Variants in PITX1 observed in about 807,000 individuals in gnomAD.
The protein encoded by PITX1 is paired like homeodomain 1.
Under a neutral mutation model 24.1 loss-of-function variants are expected in PITX1, and 5 were observed. The observed-to-expected ratio is 0.21, with a 90% CI of 0.11 to 0.44. The LOEUF (loss-of-function observed/expected upper bound fraction) is 0.44, where lower values mean the gene tolerates loss of function less well. Ranked by LOEUF, PITX1 falls within the 20% of genes least tolerant of loss-of-function variation. The pLI, the probability that PITX1 is intolerant of heterozygous loss-of-function variation, is 0.99. For missense variants in PITX1, 401 were observed against 455.4 expected, an observed-to-expected ratio of 0.88 and a Z score of 1.09; for synonymous variants, 213 against 208.9, an observed-to-expected ratio of 1.02 and a Z score of -0.17.
Position 135,033,512 on chromosome 5 carries a change from G to A in PITX1, c.169+201C>T. The A allele has an allele frequency of 1.7e-6, 1 of 600,336 alleles. No individual in the cohort carries two copies. The highest frequency in any genetic ancestry group is 2.9e-6 in the Non-Finnish European group (1 of 343,036). 37.2% of individuals were successfully genotyped at this position (600,336 alleles called of 1,614,324 possible). On this transcript the variant is annotated intron_variant, in intron 1 of 2. Transcript: ENST00000265340. This position sits in a 1 kb window ranked among gnomAD's most constrained non-coding sequence, Gnocchi z 5.9. ...CATCTGCCAGTCTCTTGGCGCGTGG[G>A]GACCGCGTGGAAGTGCCTTCGCGTG...
In PITX1 at chr5:135,033,552, C is replaced by T; in HGVS notation, c.169+161G>A. 1.3e-6 allele frequency: 1 copy of T among 740,918 alleles called. No homozygotes were observed. The highest frequency in any genetic ancestry group is 2.7e-5 in the Admixed American group (1 of 37,260). 45.9% of individuals were successfully genotyped at this position (740,918 alleles called of 1,614,324 possible). The stretch of plus-strand genomic sequence containing the variant: ...GCCTTCGCGTGTGCGTAAGTTTCCG[C>T]GTTCACCGTCAGGTCGAGAACGGGA... On this transcript the variant is annotated intron_variant, in intron 1 of 2. Transcript: ENST00000265340. This position sits in a 1 kb window ranked among gnomAD's most constrained non-coding sequence, Gnocchi z 5.9.
At position 135,028,380 on chromosome 5, in the gene PITX1, G is replaced by C. The variant is rs968678623; in HGVS notation, c.*399C>G. 6.5e-6 allele frequency: 1 copy of C among 154,320 alleles called. No individual in the cohort carries two copies. The highest frequency in any genetic ancestry group is 1.4e-5 in the Non-Finnish European group (1 of 69,552). The allele number at this position is 154,320 out of a possible 1,614,324, so 9.6% of individuals were successfully genotyped here. On this transcript the variant is annotated 3_prime_UTR_variant, in exon 3 of 3. Coordinates refer to ENST00000265340, the MANE Select transcript of PITX1 (RefSeq NM_002653.5). Reference sequence around the variant, plus strand: ...CCAGCGCGGCGGGGACGCGGGATACGAGGTCGTCCTCCCCCGGCCGCTGGG... The same window carrying C: ...CCAGCGCGGCGGGGACGCGGGATACCAGGTCGTCCTCCCCCGGCCGCTGGG...
chr5:135,033,613 G>C lies in PITX1; in HGVS notation c.169+100C>G. The C allele has an allele frequency of 8.3e-7, 1 of 1,206,074 alleles. No individual in the cohort carries two copies. Among genetic ancestry groups the C allele is most frequent in the Non-Finnish European group, 1.2e-6 (1 of 844,132 alleles). The allele number at this position is 1,206,074 out of a possible 1,614,324, so 74.7% of individuals were successfully genotyped here. ...TCCTGACGCTTCTGGGGCGGAGAGG[G>C]AGCTTGGTTGCGCGGCGCGGGCGTC... is the stretch of plus-strand genomic sequence containing the variant. On this transcript the variant is annotated intron_variant, in intron 1 of 2. Coordinates refer to ENST00000265340, the MANE Select transcript of PITX1 (RefSeq NM_002653.5). The surrounding 1 kb of genome is among the most constrained non-coding windows in gnomAD (Gnocchi z 5.9).
In PITX1 at chr5:135,028,712, G is replaced by A. The variant is rs1339496717; in HGVS notation, c.*67C>T. On this transcript the variant is annotated 3_prime_UTR_variant, in exon 3 of 3. Transcript: ENST00000265340. ...GCTTGCGAGCCGGGGCCCCGCGTGC[G>A]TCCTCCGCGCCCGCGCCCGCGCCCT... 2.1e-5 allele frequency: 25 copies of A among 1,165,152 alleles called. No individual in the cohort carries two copies. Among genetic ancestry groups the A allele is most frequent in the Admixed American group, 9.8e-5 (2 of 20,512 alleles). 72.2% of individuals were successfully genotyped at this position (1,165,152 alleles called of 1,614,324 possible). A position where few individuals can be genotyped will look rare whatever the true frequency, so the allele number is the denominator to read the frequency against.
Position 135,028,673 on chromosome 5 carries a change from C to T in PITX1, c.*106G>A, listed in dbSNP as rs1026232001. On this transcript the variant is annotated 3_prime_UTR_variant, in exon 3 of 3. Coordinates refer to ENST00000265340, the MANE Select transcript of PITX1 (RefSeq NM_002653.5). ...GGCTGCGCAGGTGTGAGGTCCGCGG[C>T]GCGGTGAGCTGGGGCTTGCGAGCCG... The T allele has an allele frequency of 1.4e-5, 10 of 730,118 alleles. No homozygotes were observed. The highest frequency in any genetic ancestry group is 4.2e-5 in the East Asian group (1 of 23,902). 45.2% of individuals were successfully genotyped at this position (730,118 alleles called of 1,614,324 possible). A position where few individuals can be genotyped will look rare whatever the true frequency, so the allele number is the denominator to read the frequency against.
chr5:135,028,579 T>G lies in PITX1; in HGVS notation c.*200A>C. ...TTTTTTTTTTTTTTTTTTTTGTCTT[T>G]TTGGAGGGCAGAGTGGGGTCCGGAA... On this transcript the variant is annotated 3_prime_UTR_variant, in exon 3 of 3. Coordinates refer to ENST00000265340, the MANE Select transcript of PITX1 (RefSeq NM_002653.5). 4.2e-6 allele frequency: 1 copy of G among 238,724 alleles called. No individual in the cohort carries two copies. The highest frequency in any genetic ancestry group is 8.0e-6 in the Non-Finnish European group (1 of 125,704). The allele number at this position is 238,724 out of a possible 1,614,324, so 14.8% of individuals were successfully genotyped here. A position where few individuals can be genotyped will look rare whatever the true frequency, so the allele number is the denominator to read the frequency against.
In PITX1 at chr5:135,028,750, C is replaced by T; in HGVS notation, c.*29G>A. On this transcript the variant is annotated 3_prime_UTR_variant, in exon 3 of 3. Coordinates refer to ENST00000265340, the MANE Select transcript of PITX1 (RefSeq NM_002653.5). The stretch of plus-strand genomic sequence containing the variant: ...GCGCCCGCGCCCTTCCCCGCTCCGG[C>T]CGCCGGCCCGCGTGGTGCGGCGGGG... 6.6e-7 allele frequency: 1 copy of T among 1,504,786 alleles called. No individual in the cohort carries two copies. The highest frequency in any genetic ancestry group is 8.9e-7 in the Non-Finnish European group (1 of 1,128,028). 93.2% of individuals were successfully genotyped at this position (1,504,786 alleles called of 1,614,324 possible). A position where few individuals can be genotyped will look rare whatever the true frequency, so the allele number is the denominator to read the frequency against.
Position 135,033,003 on chromosome 5 carries a change from C to A in PITX1, c.169+710G>T, listed in dbSNP as rs1003242946. 2.2e-6 allele frequency: 1 copy of A among 449,506 alleles called. No homozygotes were observed. Among genetic ancestry groups the A allele is most frequent in the Admixed American group, 2.4e-5 (1 of 42,234 alleles). 27.8% of individuals were successfully genotyped at this position (449,506 alleles called of 1,614,324 possible). A position where few individuals can be genotyped will look rare whatever the true frequency, so the allele number is the denominator to read the frequency against. The stretch of plus-strand genomic sequence containing the variant: ...GCGCCGGCCACCCGCGGGCCCAGTT[C>A]GCTGCTGGAAAAAAGCTCCAGCTCG... On this transcript the variant is annotated intron_variant, in intron 1 of 2. Coordinates refer to ENST00000265340, the MANE Select transcript of PITX1 (RefSeq NM_002653.5). The surrounding 1 kb of genome is among the most constrained non-coding windows in gnomAD (Gnocchi z 5.9).
In PITX1 at chr5:135,033,183, C is replaced by T. The variant is rs1054817907; in HGVS notation, c.169+530G>A. ...GTCCGGCCGCGCCTGTTGGCCCGCT[C>T]GCCCTCACCGTCCTCTGTGTCTCCC... On this transcript the variant is annotated intron_variant, in intron 1 of 2. Transcript: ENST00000265340. The surrounding 1 kb of genome is among the most constrained non-coding windows in gnomAD (Gnocchi z 5.9). 3 of 320,604 alleles carry T rather than the reference C, an allele frequency of 9.4e-6. No individual in the cohort carries two copies. Among genetic ancestry groups the T allele is most frequent in the African/African-American group, 4.7e-5 (2 of 42,720 alleles). 19.9% of individuals were successfully genotyped at this position (320,604 alleles called of 1,614,324 possible).
chr5:135,029,117 TGAA>T lies in PITX1; in HGVS notation c.604_606del (p.Phe202del). ...TGCGACGACAGCGGGCTCATGGAGT[TGAA>T]GAAGGTGAAGCTCTTGGTGGAGAGC... On this transcript the variant is annotated inframe_deletion, in exon 3 of 3. Coordinates refer to ENST00000265340, the MANE Select transcript of PITX1 (RefSeq NM_002653.5). 1 of 1,614,192 alleles carries T rather than the reference TGAA, an allele frequency of 6.2e-7. No homozygotes were observed. Among genetic ancestry groups the T allele is most frequent in the African/African-American group, 1.3e-5 (1 of 75,050 alleles).
chr5:135,031,635 G>A, intron 1 of PITX1, 127 bp from the exon 2 acceptor site: 1 of 788,868 alleles, frequency 1.3e-6, no homozygotes, highest in Non-Finnish European at 2.0e-6. Context: ...TAGGGTTCCT[G>A]GGAACTGTCC....
In PITX1 at chr5:135,033,075, G is replaced by A. The variant is rs771686187; in HGVS notation, c.169+638C>T. ...GGGAGACGCGCAGGAGCCGGGGCGG[G>A]GGCCAGAGCCGGGCTGCTCCGGGCT... On this transcript the variant is annotated intron_variant, in intron 1 of 2. Transcript: ENST00000265340. This position sits in a 1 kb window ranked among gnomAD's most constrained non-coding sequence, Gnocchi z 5.9. The A allele has an allele frequency of 2.3e-5, 10 of 441,720 alleles. No homozygotes were observed. Among genetic ancestry groups the A allele is most frequent in the South Asian group, 7.9e-5 (5 of 63,034 alleles). 27.4% of individuals were successfully genotyped at this position (441,720 alleles called of 1,614,324 possible).
intron 1 of PITX1, among the ~76,000 whole-genome samples, chr5:135,032,225 T>C (rs1373373119): frequency 2.0e-5 from 3 of 152,180 alleles, no homozygotes; most frequent in South Asian, 2.1e-4. Flanking sequence ...GGGCCACAAA[T>C]TCTCAAAATC....
chr5:135,033,182 T>C lies in PITX1; in HGVS notation c.169+531A>G, dbSNP rs1324926129. On this transcript the variant is annotated intron_variant, in intron 1 of 2. Coordinates refer to ENST00000265340, the MANE Select transcript of PITX1 (RefSeq NM_002653.5). This position sits in a 1 kb window ranked among gnomAD's most constrained non-coding sequence, Gnocchi z 5.9. ...AGTCCGGCCGCGCCTGTTGGCCCGC[T>C]CGCCCTCACCGTCCTCTGTGTCTCC... The C allele has an allele frequency of 1.9e-5, 6 of 321,898 alleles. No individual in the cohort carries two copies. In the Admixed American group the frequency reaches 2.6e-4, roughly 14 times the overall value. The allele number at this position is 321,898 out of a possible 1,614,324, so 19.9% of individuals were successfully genotyped here. A position where few individuals can be genotyped will look rare whatever the true frequency, so the allele number is the denominator to read the frequency against.
chr5:135,031,307 A>T lies in PITX1; in HGVS notation c.371T>A (p.Val124Glu). 6.2e-7 allele frequency: 1 copy of T among 1,614,014 alleles called. No individual in the cohort carries two copies. The highest frequency in any genetic ancestry group is 8.5e-7 in the Non-Finnish European group (1 of 1,179,914). The change falls in exon 2 of 3, where the codon GTG becomes GAG. Residue 124 changes from valine (V) to glutamate (E), a missense_variant. This residue lies in a region of PITX1 where 48 missense variants were observed against 102.2 expected (regional missense o/e 0.47). Coordinates refer to ENST00000265340, the MANE Select transcript of PITX1 (RefSeq NM_002653.5). ...GCGCGGCTCGGTGAGGTTGGTCCAC[A>T]CGGCGATCTCCTCCCTCATGCTCAT... Reference protein sequence around the residue: ...PDMSMREEIAVWTNLTEPRVR... With the variant: ...PDMSMREEIAEWTNLTEPRVR...
rs970606867 is a variant in PITX1 at position 135,033,425 on chromosome 5, C to A, written c.169+288G>T. ...CCAGTTGCGCAAATCAAATTCTTTC[C>A]CGTTCTATTTACTCCTGATCAAGAG... On this transcript the variant is annotated intron_variant, in intron 1 of 2. Transcript: ENST00000265340. The surrounding 1 kb of genome is among the most constrained non-coding windows in gnomAD (Gnocchi z 5.9). The A allele has an allele frequency of 1.5e-5, 7 of 466,128 alleles. No homozygotes were observed. The highest frequency in any genetic ancestry group is 1.9e-5 in the Non-Finnish European group (5 of 260,118). The allele number at this position is 466,128 out of a possible 1,614,324, so 28.9% of individuals were successfully genotyped here. A position where few individuals can be genotyped will look rare whatever the true frequency, so the allele number is the denominator to read the frequency against.
At chr5:135,030,887 A>G (rs1482749021) in intron 2 of PITX1, among the ~76,000 whole-genome samples, 1 of 152,120 alleles carries the variant, frequency 6.6e-6, no homozygotes, top group Non-Finnish European at 1.5e-5. Context: ...CGTTTTCGGG[A>G]TAAGGCCAAC....
chr5:135,028,932 G>A lies in PITX1; in HGVS notation c.792C>T (p.Tyr264=). Residue 264 remains tyrosine, a synonymous_variant, in exon 3 of 3, where the codon TAC becomes TAT. Transcript: ENST00000265340. ...NSAMSPGACP[Y]GTPASPYSVY... ...CGCTGTAGGGCGAGGCGGGAGTGCCGTACGGGCAAGCGCCCGGCGACATGG... is the reference window on the plus strand; with the variant it reads ...CGCTGTAGGGCGAGGCGGGAGTGCCATACGGGCAAGCGCCCGGCGACATGG... 2.5e-6 allele frequency: 4 copies of A among 1,613,952 alleles called. No individual in the cohort carries two copies. Among genetic ancestry groups the A allele is most frequent in the African/African-American group, 1.3e-5 (1 of 75,058 alleles).
rs982549582 is a variant in PITX1 at position 135,028,262 on chromosome 5, G to C, written c.*517C>G. On this transcript the variant is annotated 3_prime_UTR_variant, in exon 3 of 3. Transcript: ENST00000265340. ...GGCGCTCTCGGCCGGGCCTAGCTCG[G>C]AGAGGGCAACTTGGTTTGTACGGGG... The C allele has an allele frequency of 6.6e-6, 1 of 152,326 alleles. No homozygotes were observed. Among genetic ancestry groups the C allele is most frequent in the African/African-American group, 2.4e-5 (1 of 41,478 alleles). 9.4% of individuals were successfully genotyped at this position (152,326 alleles called of 1,614,324 possible).
Sources: allele counts gnomAD v4.1 joint callset (sites outside exome capture counted in the v4.1 genomes callset), GRCh38; gene constraint gnomAD v4.1.1; regional missense constraint gnomAD v4.1.1; non-coding constraint Gnocchi (gnomAD v3.1); transcripts MANE v1.5; gene names NCBI Gene and HGNC (gene_info 2026-07-23, HGNC 2026-07-21).